SORL1: variants seen among roughly 807,000 people sequenced by gnomAD.
SORL1 encodes sortilin-related receptor.
In SORL1, 127 loss-of-function variants were observed where a neutral mutation model predicts 273.7. That is an observed-to-expected ratio of 0.46 (90% CI 0.40 to 0.54). SORL1 has a LOEUF of 0.54. SORL1 is among the 20% of genes least tolerant of loss of function. The probability of loss-of-function intolerance (pLI) is 0.00; values close to 1 mark genes in which losing one functional copy is unlikely to be tolerated. For missense variants in SORL1, 2,494 were observed against 2,846.1 expected (o/e 0.88, Z 2.81); for synonymous variants, 1,031 against 1,067.4 (o/e 0.97, Z 0.66).
rs751378869 is a variant in SORL1 at position 121,595,775 on chromosome 11, G to A, written c.4519+3G>A. The A allele has an allele frequency of 3.1e-6, 5 of 1,611,252 alleles. No homozygotes were observed. The South Asian group carries it at 5.5e-5, about 18-fold the overall frequency. On this transcript the variant is annotated splice_donor_region_variant and intron_variant, in intron 32 of 47. Coordinates refer to ENST00000260197, the MANE Select transcript of SORL1 (RefSeq NM_003105.6). This position sits in a 1 kb window ranked among gnomAD's most constrained non-coding sequence, Gnocchi z 5.1. ...TGGCCGGGACGAGGCCAATTGCCGT[G>A]AGTAGTCAGAGAGCCCTTCACCCCC...
At chr11:121,542,239 G>A (rs1052970015) in intron 12 of SORL1, among the ~76,000 whole-genome samples, 4 of 152,056 alleles carry the variant, frequency 2.6e-5, no homozygotes, top group Non-Finnish European at 5.9e-5. Context: ...ACATGAACTC[G>A]GTATGACTTA....
At chr11:121,588,733 A>G (rs1863160228) in intron 28 of SORL1, among the ~76,000 whole-genome samples, 1 of 152,154 alleles carries the variant, frequency 6.6e-6, no homozygotes, top group Non-Finnish European at 1.5e-5. Flanking sequence ...TATTTCTTGC[A>G]AGCCTGGAAG....
intron 38 of SORL1, chr11:121,609,395 A>ATCTCT (rs1863527445): frequency 1.3e-5 from 2 of 152,224 alleles, no homozygotes; most frequent in Admixed American, 6.5e-5. Context: ...TTATTGTTGT[A>ATCTCT]TCTCTTCTCT....
chr11:121,481,646 C>A lies in SORL1; in HGVS notation c.528+3403C>A, dbSNP rs150686609. 3.8e-4 allele frequency among the ~76,000 whole-genome samples: 44 copies of A among 116,320 alleles called. 1 individual carries two copies. The highest frequency in any genetic ancestry group is 1.6e-3 in the African/African-American group (43 of 26,418). The allele number at this position is 116,320 out of a possible 152,430, so 76.3% of individuals were successfully genotyped here. ...TCTCCCCAGCTCCTCCCCTAGTGCA[C>A]AGATACCTATAGGCAGGTTCCATCT... is the stretch of plus-strand genomic sequence containing the variant. On this transcript the variant is annotated intron_variant, in intron 3 of 47. Transcript: ENST00000260197.
intron 6 of SORL1, among the ~76,000 whole-genome samples, chr11:121,502,873 T>C (rs1861733089): frequency 6.6e-6 from 1 of 152,156 alleles, no homozygotes; most frequent in Non-Finnish European, 1.5e-5. Flanking sequence ...TTTTTATTTT[T>C]ATTTTATTTT....
At chr11:121,455,024 TC>T (rs1860880283) in intron 1 of SORL1, among the ~76,000 whole-genome samples, 1 of 152,190 alleles carries the variant, frequency 6.6e-6, no homozygotes, top group African/African-American at 2.4e-5. Context: ...ATCACGACTT[TC>T]CCCTTCAACG....
intron 1 of SORL1, among the ~76,000 whole-genome samples, chr11:121,467,036 T>TC (rs1338367436): frequency 3.4e-5 from 5 of 146,598 alleles, no homozygotes; most frequent in South Asian, 4.3e-4. Context: ...TTTTCTTTTT[T>TC]TTTTTTTTTT....
At chr11:121,516,381 A>T (rs1490316258) in intron 8 of SORL1, among the ~76,000 whole-genome samples, 2 of 152,176 alleles carry the variant, frequency 1.3e-5, no homozygotes, top group African/African-American at 4.8e-5. Context: ...GAGCCAGGGG[A>T]CTGCTACTGC....
intron 4 of SORL1, 147 bp from the exon 5 acceptor site, chr11:121,489,896 G>T: frequency 1.6e-6 from 1 of 621,340 alleles, no homozygotes; most frequent in South Asian, 1.9e-5. Flanking sequence ...TTTGCTTTTG[G>T]AGCAACTGAG....
chr11:121,617,602 A>G (rs1450506732), intron 41 of SORL1, among the ~76,000 whole-genome samples: 1 of 152,190 alleles, frequency 6.6e-6, no homozygotes, highest in Non-Finnish European at 1.5e-5. Context: ...GTTCCTGCTC[A>G]TCCCATGGAT....
chr11:121,573,268 A>G (rs868828542), intron 23 of SORL1, among the ~76,000 whole-genome samples: 33 of 152,156 alleles, frequency 2.2e-4, no homozygotes, highest in African/African-American at 7.2e-4. Flanking sequence ...TAATAATGCT[A>G]CCAAGTAAAG....
chr11:121,514,443 C>A, intron 8 of SORL1, 122 bp downstream of exon 8: 1 of 949,414 alleles, frequency 1.1e-6, no homozygotes, highest in Non-Finnish European at 1.5e-6. Flanking sequence ...CTTTCGGAAA[C>A]CCGATGCCTG....
chr11:121,544,805 G>A (rs879232729), intron 13 of SORL1, among the ~76,000 whole-genome samples: 9 of 152,126 alleles, frequency 5.9e-5, no homozygotes, highest in African/African-American at 1.9e-4. Flanking sequence ...TAGGGCCAGC[G>A]AGCCCTCCAT....
rs963093893 is a variant in SORL1 at position 121,559,302 on chromosome 11, T to G, written c.2911-217T>G. 2.9e-4 allele frequency among the ~76,000 whole-genome samples: 44 copies of G among 152,226 alleles called. 3 individuals carry two copies. The highest frequency in any genetic ancestry group is 5.9e-5 in the Non-Finnish European group (4 of 68,026). On this transcript the variant is annotated intron_variant, in intron 20 of 47. Transcript: ENST00000260197. The stretch of plus-strand genomic sequence containing the variant: ...GGGTTTGTGTCATAAACTTGAATGC[T>G]TATCAGATAGTTTCTTTTGGGCAGT...
chr11:121,508,828 TTGATTTTGA>T (rs1419721270), intron 6 of SORL1, among the ~76,000 whole-genome samples: 1 of 152,204 alleles, frequency 6.6e-6, no homozygotes, highest in Non-Finnish European at 1.5e-5. Context: ...TCTGAAAAAG[TTGATTTTGA>T]GGATTTTTGT....
At chr11:121,539,007 G>A (rs908868812) in intron 12 of SORL1, among the ~76,000 whole-genome samples, 1 of 152,152 alleles carries the variant, frequency 6.6e-6, no homozygotes, top group Non-Finnish European at 1.5e-5. Context: ...TATACAATTA[G>A]CCTTTTACCC....
At chr11:121,456,584 A>G (rs1003619853) in intron 1 of SORL1, among the ~76,000 whole-genome samples, 2 of 152,204 alleles carry the variant, frequency 1.3e-5, no homozygotes, top group African/African-American at 4.8e-5. Context: ...TGCCTGTGCT[A>G]TATGGGAGTT....
intron 3 of SORL1, among the ~76,000 whole-genome samples, chr11:121,483,731 G>C (rs754155191): frequency 2.0e-5 from 3 of 152,168 alleles, no homozygotes; most frequent in African/African-American, 4.8e-5. Flanking sequence ...AGACTTAAAA[G>C]CCAGGGTGAA....
intron 32 of SORL1, among the ~76,000 whole-genome samples, chr11:121,598,679 T>G (rs1863338495): frequency 6.6e-6 from 1 of 152,254 alleles, no homozygotes; most frequent in African/African-American, 2.4e-5. Context: ...GTGATGGACT[T>G]CTGGAGACGA....
Sources: gnomAD v4.1 joint callset for allele counts (sites outside exome capture counted in the v4.1 genomes callset) on GRCh38, gnomAD v4.1.1 for gene constraint, Gnocchi (gnomAD v3.1) non-coding constraint, MANE v1.5 for transcripts, NCBI Gene and HGNC (gene_info 2026-07-23, HGNC 2026-07-21) for gene names.